FUT9: variants seen among roughly 807,000 people sequenced by gnomAD.
FUT9 encodes fucosyltransferase 9.
A neutral mutation model predicts 29.7 loss-of-function variants in FUT9; 15 were observed. That is an observed-to-expected ratio of 0.51 (90% CI 0.34 to 0.78). The LOEUF (loss-of-function observed/expected upper bound fraction) is 0.78, where lower values mean the gene tolerates loss of function less well. FUT9 is among the 30% of genes least tolerant of loss of function. The pLI is 0.01. For synonymous variants in FUT9, 169 were observed against 153.7 expected (o/e 1.10, Z -0.74); for missense variants, 319 against 425.4 (o/e 0.75, Z 2.20).
chr6:96,178,308 CG>C (rs1295985908), intron 2 of FUT9, among the ~76,000 whole-genome samples: 1 of 152,054 alleles, frequency 6.6e-6, no homozygotes, highest in Non-Finnish European at 1.5e-5. Flanking sequence ...AATATCACAA[CG>C]TATTTCCTCA....
intron 1 of FUT9, among the ~76,000 whole-genome samples, chr6:96,089,393 C>G (rs554296424): frequency 3.3e-5 from 5 of 152,268 alleles, no homozygotes; most frequent in Admixed American, 2.6e-4. Flanking sequence ...GAGCTGCAGC[C>G]TAAAATCTCC....
chr6:96,174,897 C>A (rs1773176503), intron 2 of FUT9, among the ~76,000 whole-genome samples: 1 of 152,082 alleles, frequency 6.6e-6, no homozygotes, highest in Non-Finnish European at 1.5e-5. Flanking sequence ...AAATTCAATG[C>A]AATCCATTTC....
rs1199420568 is a variant in FUT9, at chr6:96,208,816, T to C, written c.*4581T>C. ...AAGTGCGAGCACTGTGAAGGGCAGA[T>C]ATCTATTACCAAACCACATGGAGAG... is the stretch of plus-strand genomic sequence containing the variant. On this transcript the variant is annotated 3_prime_UTR_variant, in exon 3 of 3. Transcript: ENST00000302103. 6.0e-6 allele frequency: 1 copy of C among 166,734 alleles called. No homozygotes were observed. The highest frequency in any genetic ancestry group is 1.5e-5 in the Non-Finnish European group (1 of 67,994). The allele number at this position is 166,734 out of a possible 1,614,324, so 10.3% of individuals were successfully genotyped here. A position where few individuals can be genotyped will look rare whatever the true frequency, so the allele number is the denominator to read the frequency against.
chr6:96,186,542 T>A (rs753277748), intron 2 of FUT9, among the ~76,000 whole-genome samples: 32 of 152,122 alleles, frequency 2.1e-4, no homozygotes, highest in Non-Finnish European at 4.1e-4. Context: ...AGTAAAGAGA[T>A]TTATCATATA....
chr6:96,166,593 AAAATATTTC>A (rs1773019955), intron 2 of FUT9, among the ~76,000 whole-genome samples: 1 of 152,188 alleles, frequency 6.6e-6, no homozygotes, highest in Non-Finnish European at 1.5e-5. Context: ...TGAAGAAAAT[AAAATATTTC>A]CTATACTTTT....
chr6:96,126,622 T>A (rs1254909488), intron 2 of FUT9, among the ~76,000 whole-genome samples: 1 of 152,248 alleles, frequency 6.6e-6, no homozygotes, highest in African/African-American at 2.4e-5. Context: ...TAGACTTCAG[T>A]GCATTTTAAG....
In FUT9 at chr6:96,015,994, C is replaced by G. The variant is rs1182279074; in HGVS notation, c.-316C>G. ...GCGGCAGTAGCTGTAGCAGCTTCAGCGAAGCCGGAGATGGGCAGAGAGCGC... is the reference window on the plus strand; with the variant it reads ...GCGGCAGTAGCTGTAGCAGCTTCAGGGAAGCCGGAGATGGGCAGAGAGCGC... On this transcript the variant is annotated 5_prime_UTR_variant, in exon 1 of 3. Coordinates refer to ENST00000302103, the MANE Select transcript of FUT9 (RefSeq NM_006581.4). The G allele has an allele frequency of 6.6e-6, 1 of 152,000 alleles. No homozygotes were observed. The highest frequency in any genetic ancestry group is 1.5e-5 in the Non-Finnish European group (1 of 68,070). 9.4% of individuals were successfully genotyped at this position (152,000 alleles called of 1,614,324 possible). A position where few individuals can be genotyped will look rare whatever the true frequency, so the allele number is the denominator to read the frequency against.
At chr6:96,067,253 G>A (rs1299411118) in intron 1 of FUT9, among the ~76,000 whole-genome samples, 3 of 151,328 alleles carry the variant, frequency 2.0e-5, no homozygotes, top group Non-Finnish European at 4.4e-5. Context: ...TCATGTTTAG[G>A]TAATAATAAG....
At chr6:96,201,587 A>G (rs561147423) in intron 2 of FUT9, among the ~76,000 whole-genome samples, 3 of 152,042 alleles carry the variant, frequency 2.0e-5, no homozygotes, top group Non-Finnish European at 4.4e-5. Flanking sequence ...GTTTAAATAT[A>G]CAACAAAATT....
chr6:96,167,875 G>A (rs562370288), intron 2 of FUT9, among the ~76,000 whole-genome samples: 3 of 152,264 alleles, frequency 2.0e-5, no homozygotes, highest in East Asian at 3.9e-4. Context: ...AGCCACTGTG[G>A]CCATAAACGA....
In FUT9 at chr6:96,203,262, G is replaced by C; in HGVS notation, c.107G>C (p.Trp36Ser). The C allele has an allele frequency of 6.2e-7, 1 of 1,613,750 alleles. No individual in the cohort carries two copies. Among genetic ancestry groups the C allele is most frequent in the African/African-American group, 1.3e-5 (1 of 74,942 alleles). ...ATTTACATCAAACCTACCAACAGCTGGATCTTCAGTCCAATGGAATCAGCC... is the reference window on the plus strand; with the variant it reads ...ATTTACATCAAACCTACCAACAGCTCGATCTTCAGTCCAATGGAATCAGCC... ...LLIYIKPTNS[W>S]IFSPMESASS... Residue 36 changes from tryptophan to serine, a missense_variant, in exon 3 of 3, where the codon TGG becomes TCG. Coordinates refer to ENST00000302103, the MANE Select transcript of FUT9 (RefSeq NM_006581.4).
At chr6:96,090,413 A>G (rs1481883779) in intron 1 of FUT9, among the ~76,000 whole-genome samples, 1 of 152,058 alleles carries the variant, frequency 6.6e-6, no homozygotes. Context: ...TACAATTTAT[A>G]TATTTTAAAA....
intron 2 of FUT9, among the ~76,000 whole-genome samples, chr6:96,196,737 A>C (rs1337655436): frequency 4.6e-5 from 7 of 152,038 alleles, no homozygotes; most frequent in African/African-American, 1.7e-4. Flanking sequence ...ATAAAATAAC[A>C]AAGGGGAGAA....
At chr6:96,143,879 G>T (rs1252889053) in intron 2 of FUT9, among the ~76,000 whole-genome samples, 1 of 151,204 alleles carries the variant, frequency 6.6e-6, no homozygotes, top group African/African-American at 2.4e-5. Context: ...TAAGCAGATT[G>T]CCCTTGCTTA....
Position 96,129,286 on chromosome 6 carries a change from AAAAAAACAAAC to A in FUT9, c.-9+15162_-9+15172del, listed in dbSNP as rs1772195716. Among the ~76,000 whole-genome samples the A allele has an allele frequency of 2.8e-3, 17 of 6,094 alleles. 1 individual carries two copies. Among genetic ancestry groups the A allele is most frequent in the Non-Finnish European group, 0.014 (11 of 762 alleles). 4.0% of individuals were successfully genotyped at this position (6,094 alleles called of 152,430 possible). On this transcript the variant is annotated intron_variant, in intron 2 of 2. Transcript: ENST00000302103. ...TCTCAAAAAAAAAAAAAAAAAAAAA[AAAAAAACAAAC>A]AACCAGCCATGGTGGCATGTGCCTG...
At chr6:96,052,863 G>A (rs2127939314) in intron 1 of FUT9, among the ~76,000 whole-genome samples, 1 of 152,172 alleles carries the variant, frequency 6.6e-6, no homozygotes. Flanking sequence ...GAGAAGAATA[G>A]AAGGGAAAGC....
At chr6:96,060,834 G>A (rs1925229) in intron 1 of FUT9, among the ~76,000 whole-genome samples, 5,847 of 152,202 alleles carry the variant, frequency 0.038, 158 homozygotes, top group South Asian at 0.12. Flanking sequence ...CATGGCACCT[G>A]GCCAGCATAC....
chr6:96,153,330 T>G (rs964930695), intron 2 of FUT9, among the ~76,000 whole-genome samples: 3 of 152,116 alleles, frequency 2.0e-5, no homozygotes, highest in Non-Finnish European at 2.9e-5. Flanking sequence ...GCTGCTTCAT[T>G]TTTCCCTATC....
intron 2 of FUT9, among the ~76,000 whole-genome samples, chr6:96,173,288 G>T (rs2127983694): frequency 6.6e-6 from 1 of 151,618 alleles, no homozygotes; most frequent in South Asian, 2.1e-4. Flanking sequence ...TTCCTCAAAG[G>T]ACTTGCCTTA....
Sources: allele counts gnomAD v4.1 joint callset (sites outside exome capture counted in the v4.1 genomes callset), GRCh38; gene constraint gnomAD v4.1.1; transcripts MANE v1.5; gene names NCBI Gene and HGNC (gene_info 2026-07-23, HGNC 2026-07-21).